The following PRSS3 variants were observed in gnomAD, a reference collection of about 807,000 sequenced individuals.
The protein encoded by PRSS3 is trypsin-3.
PRSS3 carries 14 observed loss-of-function variants against 20.8 expected under a neutral mutation model. The ratio of observed to expected loss-of-function variants is 0.67; its 90% CI spans 0.44 to 1.05. PRSS3 has a LOEUF of 1.05. PRSS3 is among the 50% of genes least tolerant of loss of function. The probability of loss-of-function intolerance (pLI) is 0.00; values close to 1 mark genes in which losing one functional copy is unlikely to be tolerated. For synonymous variants in PRSS3, 91 were observed against 117.6 expected (o/e 0.77, Z 1.46); for missense variants, 237 against 306.4 (o/e 0.77, Z 1.69).
chr9:33,796,242 G>T (rs1824927920), intron 1 of PRSS3, among the ~76,000 whole-genome samples: 1 of 152,186 alleles, frequency 6.6e-6, no homozygotes, highest in African/African-American at 2.4e-5. Flanking sequence ...CCAGACAGGG[G>T]GTTTTCCTAG....
intron 1 of PRSS3, among the ~76,000 whole-genome samples, chr9:33,778,186 G>A (rs1824025646): frequency 6.6e-6 from 1 of 151,954 alleles, no homozygotes; most frequent in African/African-American, 2.4e-5. Flanking sequence ...TTGAAAAAAG[G>A]GACTTCTTCA....
chr9:33,795,802 C>T (rs1397233058), intron 1 of PRSS3, among the ~76,000 whole-genome samples, 189 bp downstream of exon 1: 3,507 of 89,952 alleles, frequency 0.039, no homozygotes, highest in African/African-American at 0.083. Flanking sequence ...CCTCATTTCA[C>T]TCCCACCACT....
At chr9:33,753,529 A>T (rs1782622417) in intron 1 of PRSS3, among the ~76,000 whole-genome samples, 1 of 152,172 alleles carries the variant, frequency 6.6e-6, no homozygotes, top group African/African-American at 2.4e-5. Context: ...TTTTGGTTTG[A>T]GGTCTGTGAC....
chr9:33,762,923 G>A (rs934085067), intron 1 of PRSS3, among the ~76,000 whole-genome samples: 1 of 152,202 alleles, frequency 6.6e-6, no homozygotes, highest in Non-Finnish European at 1.5e-5. Flanking sequence ...ATTCTAGTCA[G>A]CTGCTAGACA....
chr9:33,754,476 A>C (rs1398378517), intron 1 of PRSS3, among the ~76,000 whole-genome samples: 1 of 152,184 alleles, frequency 6.6e-6, no homozygotes, highest in Non-Finnish European at 1.5e-5. Flanking sequence ...CACACTATTA[A>C]AGGTGAGGGA....
intron 1 of PRSS3, among the ~76,000 whole-genome samples, chr9:33,765,114 A>G (rs1320381048): frequency 6.6e-6 from 1 of 152,230 alleles, no homozygotes; most frequent in Non-Finnish European, 1.5e-5. Context: ...TAGAGTTACC[A>G]TCTGACCAAG....
At chr9:33,761,109 CTT>C (rs1823179197) in intron 1 of PRSS3, among the ~76,000 whole-genome samples, 1 of 152,178 alleles carries the variant, frequency 6.6e-6, no homozygotes, top group South Asian at 2.1e-4. Context: ...TCATGTGGCA[CTT>C]AACGACAGGG....
intron 1 of PRSS3, among the ~76,000 whole-genome samples, chr9:33,766,574 A>G (rs1823439678): frequency 6.6e-6 from 1 of 152,138 alleles, no homozygotes; most frequent in Non-Finnish European, 1.5e-5. Flanking sequence ...CTCTGTCTCA[A>G]ATAAATAAAT....
At chr9:33,769,015 A>G (rs1823567556) in intron 1 of PRSS3, among the ~76,000 whole-genome samples, 1 of 152,204 alleles carries the variant, frequency 6.6e-6, no homozygotes, top group African/African-American at 2.4e-5. Context: ...AAACTAGAAG[A>G]AAGATGGACC....
chr9:33,761,621 G>C (rs556356751), intron 1 of PRSS3, among the ~76,000 whole-genome samples: 2 of 151,992 alleles, frequency 1.3e-5, no homozygotes, highest in Non-Finnish European at 2.9e-5. Context: ...CAGGAGAATA[G>C]CTTGAACCCG....
chr9:33,775,777 A>G (rs1449195127), intron 1 of PRSS3, among the ~76,000 whole-genome samples: 1 of 145,392 alleles, frequency 6.9e-6, no homozygotes, highest in Non-Finnish European at 1.5e-5. Context: ...ATCTCAGTTC[A>G]CTGCAACTTC....
chr9:33,777,603 G>C (rs537711808), intron 1 of PRSS3, among the ~76,000 whole-genome samples: 18 of 150,566 alleles, frequency 1.2e-4, no homozygotes, highest in Non-Finnish European at 1.6e-4. Flanking sequence ...CTCTACTCGG[G>C]AGGCTGAGGC....
intron 1 of PRSS3, among the ~76,000 whole-genome samples, chr9:33,755,641 T>G (rs960607501): frequency 3.3e-5 from 5 of 152,212 alleles, no homozygotes; most frequent in African/African-American, 1.2e-4. Context: ...CACACCATGA[T>G]CTTTACATTC....
chr9:33,762,632 G>T (rs1474064294), intron 1 of PRSS3, among the ~76,000 whole-genome samples: 2 of 152,170 alleles, frequency 1.3e-5, no homozygotes, highest in Non-Finnish European at 2.9e-5. Flanking sequence ...CAAAAACGAT[G>T]AAAATAATAT....
At chr9:33,797,411 A>G (rs1825024190) in intron 2 of PRSS3, among the ~76,000 whole-genome samples, 1 of 152,236 alleles carries the variant, frequency 6.6e-6, no homozygotes, top group Non-Finnish European at 1.5e-5. Flanking sequence ...ATTAGATTAC[A>G]CAGAAGGGTG....
At chr9:33,784,055 T>A (rs1563964027) in intron 1 of PRSS3, among the ~76,000 whole-genome samples, 1 of 152,344 alleles carries the variant, frequency 6.6e-6, no homozygotes, top group African/African-American at 2.4e-5. Flanking sequence ...CATGTGCATG[T>A]ATTAATTCAA....
upstream of PRSS3, chr9:33,795,018 T>C: frequency 8.2e-7 from 1 of 1,212,520 alleles, no homozygotes; most frequent in Non-Finnish European, 1.1e-6. Context: ...GTGTTGGAAT[T>C]CTGGATACCC....
In PRSS3 at chr9:33,786,645, G is replaced by A. The variant is rs532151169; in HGVS notation, c.-52-8101G>A. 4 of 766,436 alleles carry A rather than the reference G, an allele frequency of 5.2e-6. No homozygotes were observed. The East Asian group carries it at 9.7e-5, about 19-fold the overall frequency. 47.5% of individuals were successfully genotyped at this position (766,436 alleles called of 1,614,324 possible). ...CAAGTCACCATGATGTTCTGGTACT[G>A]TCAGCAACCTGGACAGAGCGTGACA... On this transcript the variant is annotated intron_variant, in intron 1 of 5. Coordinates refer to the PRSS3 transcript ENST00000342836.
At chr9:33,781,078 T>C (rs1824164454) in intron 1 of PRSS3, among the ~76,000 whole-genome samples, 2 of 152,238 alleles carry the variant, frequency 1.3e-5, no homozygotes. Context: ...GGAATGCTTA[T>C]ACATTGTTGG....
Sources: gnomAD v4.1 joint callset for allele counts (sites outside exome capture counted in the v4.1 genomes callset) on GRCh38, gnomAD v4.1.1 for gene constraint, MANE v1.5 for transcripts, NCBI Gene and HGNC (gene_info 2026-07-23, HGNC 2026-07-21) for gene names.